The following CPD variants were observed in gnomAD, a reference collection of about 807,000 sequenced individuals.
CPD encodes metallocarboxypeptidase D.
A neutral mutation model predicts 138.3 loss-of-function variants in CPD; 69 were observed. That is an observed-to-expected ratio of 0.50 (90% CI 0.41 to 0.61). The LOEUF (loss-of-function observed/expected upper bound fraction) is 0.61, where lower values mean the gene tolerates loss of function less well. Ranked by LOEUF, CPD falls within the 20% of genes least tolerant of loss-of-function variation. The pLI is 0.00. For missense variants in CPD, 1,432 were observed against 1,733.3 expected (o/e 0.83, Z 3.09); for synonymous variants, 651 against 642.1 (o/e 1.01, Z -0.21).
rs76478740 is a variant in CPD, at chr17:30,467,134, G to A, written c.*2320G>A. The stretch of plus-strand genomic sequence containing the variant: ...CGCTTAAGGCATTGAAGCCATATGG[G>A]ATGGGGAATGCATTTCTTCAGTGTT... On this transcript the variant is annotated 3_prime_UTR_variant, in exon 21 of 21. Coordinates refer to ENST00000225719, the MANE Select transcript of CPD (RefSeq NM_001304.5). The A allele has an allele frequency of 1.6e-4, 25 of 152,692 alleles. No homozygotes were observed. Among genetic ancestry groups the A allele is most frequent in the African/African-American group, 6.0e-4 (25 of 41,558 alleles). 9.5% of individuals were successfully genotyped at this position (152,692 alleles called of 1,614,324 possible). A position where few individuals can be genotyped will look rare whatever the true frequency, so the allele number is the denominator to read the frequency against.
In CPD at chr17:30,379,716, C is replaced by T. The variant is rs201196265; in HGVS notation, c.736C>T (p.Arg246Cys). The change falls in exon 1 of 21, where the codon CGC becomes TGC. Residue 246 changes from arginine to cysteine, a missense_variant. Transcript: ENST00000225719. The surrounding 1 kb of genome is among the most constrained non-coding windows in gnomAD (Gnocchi z 7.0). ...GGTGCGCGCCCTCATCGAGTGGATCCGCAGGAACAAGTGAGTGTTGCCTGC... is the reference window on the plus strand; with the variant it reads ...GGTGCGCGCCCTCATCGAGTGGATCTGCAGGAACAAGTGAGTGTTGCCTGC... ...PEVRALIEWIRRNKFVLSGNL... is the reference protein window; with the variant it reads ...PEVRALIEWICRNKFVLSGNL... 2 of 1,493,412 alleles carry T rather than the reference C, an allele frequency of 1.3e-6. No individual in the cohort carries two copies. The highest frequency in any genetic ancestry group is 8.8e-7 in the Non-Finnish European group (1 of 1,139,914). 92.5% of individuals were successfully genotyped at this position (1,493,412 alleles called of 1,614,324 possible). A position where few individuals can be genotyped will look rare whatever the true frequency, so the allele number is the denominator to read the frequency against.
chr17:30,453,349 C>T (rs1306379885), intron 14 of CPD, among the ~76,000 whole-genome samples: 1 of 152,192 alleles, frequency 6.6e-6, no homozygotes, highest in Non-Finnish European at 1.5e-5. Context: ...AATGGAGGGG[C>T]TACAGGCCCC....
At position 30,439,501 on chromosome 17, in the gene CPD, G is replaced by A. The variant is rs1295338660; in HGVS notation, c.2230+424G>A. Reference sequence around the variant, plus strand: ...TATACATGTGCCATGCTGGTGCGCTGCACCCACTAACTCGTCATCTAGCAT... The same window carrying A: ...TATACATGTGCCATGCTGGTGCGCTACACCCACTAACTCGTCATCTAGCAT... On this transcript the variant is annotated intron_variant, in intron 9 of 20. Coordinates refer to ENST00000225719, the MANE Select transcript of CPD (RefSeq NM_001304.5). Among the ~76,000 whole-genome samples the A allele has an allele frequency of 3.5e-4, 46 of 130,288 alleles. No individual in the cohort carries two copies. In the East Asian group the frequency reaches 0.01, roughly 29 times the overall value. The allele number at this position is 130,288 out of a possible 152,430, so 85.5% of individuals were successfully genotyped here.
chr17:30,425,326 T>C (rs759676471), intron 6 of CPD, among the ~76,000 whole-genome samples: 2 of 152,206 alleles, frequency 1.3e-5, no homozygotes, highest in Non-Finnish European at 2.9e-5. Context: ...TTTCTTACAA[T>C]GTCTTAGTGA....
chr17:30,444,389 T>A (rs1434780801), intron 11 of CPD, among the ~76,000 whole-genome samples: 1 of 152,110 alleles, frequency 6.6e-6, no homozygotes, highest in African/African-American at 2.4e-5. Context: ...TTTAAAGGAG[T>A]AACAGAAGTG....
Position 30,451,866 on chromosome 17 carries a change from T to G in CPD, c.3205+20T>G. ...TCACAAGTAAGACTAATTTTTAGGC[T>G]ACTAAAGTACTTAGGAGATAATTTT... On this transcript the variant is annotated intron_variant, in intron 14 of 20. Transcript: ENST00000225719. 6.2e-7 allele frequency: 1 copy of G among 1,611,298 alleles called. No homozygotes were observed. The highest frequency in any genetic ancestry group is 8.5e-7 in the Non-Finnish European group (1 of 1,178,230).
intron 18 of CPD, 75 bp downstream of exon 18, chr17:30,461,386 T>G (rs1461862940): frequency 1.7e-6 from 2 of 1,184,546 alleles, no homozygotes; most frequent in East Asian, 2.9e-5. Context: ...AAACATTGTC[T>G]TTTACCAAAA....
chr17:30,453,757 A>T (rs1170038331), intron 14 of CPD, among the ~76,000 whole-genome samples: 1 of 152,238 alleles, frequency 6.6e-6, no homozygotes, highest in Non-Finnish European at 1.5e-5. Context: ...TTTTGCCTGG[A>T]CATCCAAGCT....
chr17:30,390,833 CTT>C (rs549871325), intron 2 of CPD, among the ~76,000 whole-genome samples: 8 of 144,236 alleles, frequency 5.5e-5, no homozygotes, highest in Non-Finnish European at 4.6e-5. Flanking sequence ...AGTAAGATGC[CTT>C]TTTTTTTTTT....
intron 15 of CPD, 94 bp downstream of exon 15, chr17:30,455,564 G>A: frequency 1.4e-6 from 2 of 1,397,126 alleles, no homozygotes; most frequent in Admixed American, 2.2e-5. Context: ...TAAATAGTGA[G>A]CATTTGAGCA....
intron 7 of CPD, among the ~76,000 whole-genome samples, chr17:30,428,317 A>G (rs1410749740): frequency 6.6e-6 from 1 of 152,232 alleles, no homozygotes; most frequent in South Asian, 2.1e-4. Flanking sequence ...GTGTCCACAC[A>G]TAAACTCACT....
At chr17:30,416,638 A>G (rs1007478431) in intron 2 of CPD, among the ~76,000 whole-genome samples, 2 of 152,008 alleles carry the variant, frequency 1.3e-5, no homozygotes, top group African/African-American at 4.8e-5. Context: ...TATTCCTTAC[A>G]CTTACCAAAC....
rs898775075 is a variant in CPD, at chr17:30,420,977, T to A, written c.1131T>A (p.Ile377=). Residue 377 remains isoleucine, a synonymous_variant, in exon 3 of 21, where the codon ATT becomes ATA. Transcript: ENST00000225719. The part of the protein sequence containing the change: ...ENNRESLITL[I]EKVHIGVKGF... ...ATCGTGAGTCTTTGATCACATTGATTGAAAAGGTAAAAGTAGATGACTGGA... is the reference window on the plus strand; with the variant it reads ...ATCGTGAGTCTTTGATCACATTGATAGAAAAGGTAAAAGTAGATGACTGGA... 25 of 1,613,082 alleles carry A rather than the reference T, an allele frequency of 1.5e-5. No individual in the cohort carries two copies. The highest frequency in any genetic ancestry group is 1.0e-4 in the Admixed American group (6 of 59,906).
At chr17:30,448,856 C>T (rs1393693465) in intron 12 of CPD, among the ~76,000 whole-genome samples, 1 of 152,024 alleles carries the variant, frequency 6.6e-6, no homozygotes, top group Non-Finnish European at 1.5e-5. Flanking sequence ...AATCCCAGCA[C>T]TTTGGGAGGC....
At chr17:30,446,042 C>CTTT in intron 12 of CPD, 22 bp downstream of exon 12, 15 of 1,172,186 alleles carry the variant, frequency 1.3e-5, no homozygotes, top group Non-Finnish European at 1.5e-5. Context: ...TTTCTATTGT[C>CTTT]TTTTTTTTTT....
intron 8 of CPD, among the ~76,000 whole-genome samples, chr17:30,438,662 T>C (rs924932249): frequency 1.5e-4 from 23 of 152,134 alleles, no homozygotes; most frequent in African/African-American, 5.6e-4. Flanking sequence ...GAGCAGAAAT[T>C]TTTTTTAGAG....
intron 1 of CPD, chr17:30,380,739 A>T: frequency 3.5e-6 from 3 of 845,564 alleles, no homozygotes; most frequent in Non-Finnish European, 5.3e-6. Flanking sequence ...TGGAAGAGGT[A>T]GAGCTTGAGC....
chr17:30,461,778 G>A, intron 18 of CPD, 99 bp from the exon 19 acceptor site: 1 of 934,420 alleles, frequency 1.1e-6, no homozygotes, highest in Non-Finnish European at 1.6e-6. Flanking sequence ...TTTTTGTTTT[G>A]TTTGTTTGTT....
rs1053730192 is a variant in CPD at position 30,420,728 on chromosome 17, TGAAAA to T, written c.995-102_995-98del. On this transcript the variant is annotated intron_variant, in intron 2 of 20. Coordinates refer to ENST00000225719, the MANE Select transcript of CPD (RefSeq NM_001304.5). ...CCTTCTCCAATTTCAAACAATTTAA[TGAAAA>T]GAAAAGAAAATTTATACATCCAGAG... 6.2e-5 allele frequency: 59 copies of T among 957,532 alleles called. 1 individual carries two copies. The highest frequency in any genetic ancestry group is 7.6e-6 in the Non-Finnish European group (5 of 658,756). The allele number at this position is 957,532 out of a possible 1,614,324, so 59.3% of individuals were successfully genotyped here.
Sources: gnomAD v4.1 joint callset for allele counts (sites outside exome capture counted in the v4.1 genomes callset) on GRCh38, gnomAD v4.1.1 for gene constraint, Gnocchi (gnomAD v3.1) non-coding constraint, MANE v1.5 for transcripts, NCBI Gene and HGNC (gene_info 2026-07-23, HGNC 2026-07-21) for gene names.